The following ANKRD28 variants were observed in gnomAD, a reference collection of about 807,000 sequenced individuals.
ANKRD28 encodes the protein serine/threonine-protein phosphatase 6 regulatory ankyrin repeat subunit A.
ANKRD28 carries 44 observed loss-of-function variants against 126.5 expected under a neutral mutation model. The observed-to-expected ratio is 0.35, with a 90% CI of 0.27 to 0.45. The LOEUF (loss-of-function observed/expected upper bound fraction) is 0.45, where lower values mean the gene tolerates loss of function less well. Ranked by LOEUF, ANKRD28 falls within the 20% of genes least tolerant of loss-of-function variation. The probability of loss-of-function intolerance (pLI) is 1.00; values close to 1 mark genes in which losing one functional copy is unlikely to be tolerated. For missense variants in ANKRD28, 1,110 were observed against 1,316.6 expected (o/e 0.84, Z 2.43); for synonymous variants, 442 against 468.5 (o/e 0.94, Z 0.73).
chr3:15,855,238 C>T (rs1483830841), intron 1 of ANKRD28, among the ~76,000 whole-genome samples: 1 of 152,078 alleles, frequency 6.6e-6, no homozygotes, highest in Non-Finnish European at 1.5e-5. Context: ...TTAGTGTGTA[C>T]TTGATCAAAT....
rs565827706 is a variant in ANKRD28 at position 15,728,466 on chromosome 3, A to G, written c.641-3942T>C. On this transcript the variant is annotated intron_variant, in intron 6 of 27. Transcript: ENST00000683139. ...ATGCCACCACACTGGGCTAATCTTTAAATTTTTTTGTAGAGACAGGGTCTT... is the reference window on the plus strand; with the variant it reads ...ATGCCACCACACTGGGCTAATCTTTGAATTTTTTTGTAGAGACAGGGTCTT... Among the ~76,000 whole-genome samples, 3 of 152,102 alleles carry G rather than the reference A, an allele frequency of 2.0e-5. No individual in the cohort carries two copies. The South Asian group carries it at 6.2e-4, about 32-fold the overall frequency.
chr3:15,818,750 G>C (rs2060884290), intron 1 of ANKRD28, among the ~76,000 whole-genome samples: 1 of 152,178 alleles, frequency 6.6e-6, no homozygotes, highest in African/African-American at 2.4e-5. Flanking sequence ...AACCAAAACA[G>C]TGGATAATGG....
At chr3:15,745,353 A>T (rs1039033367) in intron 4 of ANKRD28, among the ~76,000 whole-genome samples, 1 of 152,180 alleles carries the variant, frequency 6.6e-6, no homozygotes, top group African/African-American at 2.4e-5. Context: ...TTCAGGTCTT[A>T]GATTTAAGTC....
intron 2 of ANKRD28, among the ~76,000 whole-genome samples, chr3:15,786,596 TTA>T (rs1249971663): frequency 6.6e-6 from 1 of 152,070 alleles, no homozygotes; most frequent in Non-Finnish European, 1.5e-5. Context: ...ATTTTACACT[TTA>T]TATATATGCA....
At position 15,710,837 on chromosome 3, in the gene ANKRD28, G is replaced by GA. The variant is rs147896414; in HGVS notation, c.1337+373dup. Among the ~76,000 whole-genome samples, 442 of 150,688 alleles carry GA rather than the reference G, an allele frequency of 2.9e-3. 3 individuals are homozygous for GA. Among genetic ancestry groups the GA allele is most frequent in the African/African-American group, 0.01 (421 of 41,118 alleles). On this transcript the variant is annotated intron_variant, in intron 12 of 27. Coordinates refer to ENST00000683139, the MANE Select transcript of ANKRD28 (RefSeq NM_001349278.2). ...CAAAATGAACATTTTTTTCCTGGGGGAAAAAAAAATTAACAAATCTACTTA... is the reference window on the plus strand; with the variant it reads ...CAAAATGAACATTTTTTTCCTGGGGGAAAAAAAAAATTAACAAATCTACTTA...
intron 14 of ANKRD28, 89 bp downstream of exon 14, chr3:15,707,835 G>T (rs2071663800): frequency 6.8e-7 from 1 of 1,462,974 alleles, no homozygotes; most frequent in African/African-American, 1.4e-5. Flanking sequence ...ATACAAAGAG[G>T]AAACACAAAT....
chr3:15,694,228 A>G (rs988631425), intron 17 of ANKRD28, among the ~76,000 whole-genome samples: 2 of 152,134 alleles, frequency 1.3e-5, no homozygotes, highest in Non-Finnish European at 2.9e-5. Flanking sequence ...AAAAATTTAG[A>G]GGAATCTTAA....
upstream of ANKRD28, among the ~76,000 whole-genome samples, chr3:15,800,194 C>T (rs188915584): frequency 1.4e-4 from 22 of 152,006 alleles, no homozygotes; most frequent in Admixed American, 1.2e-3. Flanking sequence ...TTTCTTGACA[C>T]TTATATAAGA....
At chr3:15,742,082 C>T (rs573376081) in intron 4 of ANKRD28, among the ~76,000 whole-genome samples, 113 of 152,284 alleles carry the variant, frequency 7.4e-4, no homozygotes, top group Non-Finnish European at 1.5e-3. Flanking sequence ...GATCTCGGCT[C>T]GCTACAACCT....
rs201138281 is a variant in ANKRD28 at position 15,690,064 on chromosome 3, A to C, written c.1918T>G (p.Leu640Val). ...DVLINQGASI[L>V]VKDYILKRTP... ...CTCTTCAAAATGTAATCTTTTACTA[A>C]GATTGAGGCTCCCTGATTAATGAGT... is the stretch of plus-strand genomic sequence containing the variant. The change falls in exon 18 of 28, where the codon TTA becomes GTA. Residue 640 changes from leucine (L) to valine (V), a missense_variant. Physicochemically the swap from Leu to Val is conservative, Grantham distance 32. Transcript: ENST00000683139. 8.9e-5 allele frequency: 144 copies of C among 1,612,102 alleles called. 1 individual carries two copies. Among genetic ancestry groups the C allele is most frequent in the Non-Finnish European group, 1.2e-4 (138 of 1,179,086 alleles).
At chr3:15,828,390 C>G (rs977833222) in intron 1 of ANKRD28, among the ~76,000 whole-genome samples, 2 of 152,008 alleles carry the variant, frequency 1.3e-5, no homozygotes, top group Non-Finnish European at 2.9e-5. Context: ...AAGTTAAACA[C>G]CTTACATGTA....
In ANKRD28 at chr3:15,830,323, G is replaced by A. The variant is rs1473443047; in HGVS notation, c.27+29054C>T. ...TCTTAGACCAGGGTCCCTAACCCCT[G>A]GACTGAGGACTGCTAGCCATTCATG... is the stretch of plus-strand genomic sequence containing the variant. On this transcript the variant is annotated intron_variant, in intron 1 of 27. Coordinates refer to the ANKRD28 transcript ENST00000399451. The surrounding 1 kb of genome is among the most constrained non-coding windows in gnomAD (Gnocchi z 4.5). 6.6e-6 allele frequency among the ~76,000 whole-genome samples: 1 copy of A among 152,166 alleles called. No individual in the cohort carries two copies. Among genetic ancestry groups the A allele is most frequent in the Non-Finnish European group, 1.5e-5 (1 of 68,030 alleles).
intron 14 of ANKRD28, among the ~76,000 whole-genome samples, chr3:15,698,833 T>G (rs555649640): frequency 6.6e-6 from 1 of 152,292 alleles, no homozygotes; most frequent in South Asian, 2.1e-4. Context: ...CTTTATAGAT[T>G]GAATGCCATC....
In ANKRD28 at chr3:15,814,789, A is replaced by G. The variant is rs2060799023; in HGVS notation, c.28-19483T>C. Among the ~76,000 whole-genome samples the G allele has an allele frequency of 6.6e-6, 1 of 151,830 alleles. No individual in the cohort carries two copies. The highest frequency in any genetic ancestry group is 2.4e-5 in the African/African-American group (1 of 41,394). ...TATTCAATCTATACGCTTTTTGAAT[A>G]TGTAGAACATACTCATTTCAGTAAT... On this transcript the variant is annotated intron_variant, in intron 1 of 27. Coordinates refer to the ANKRD28 transcript ENST00000399451. The surrounding 1 kb of genome is among the most constrained non-coding windows in gnomAD (Gnocchi z 4.7).
rs1392599411 is a variant in ANKRD28, at chr3:15,675,911, T to C, written c.2952A>G (p.Ala984=). ...GAACCAACTTACCATTTTCATCTAC[T>C]GCAAGCACACTTGCTCCTTTTCCCA... ...ELLGKGASVL[A]VDENGYTPAL... The change falls in exon 27 of 28, where the codon GCA becomes GCG. Residue 984 remains alanine, a synonymous_variant. Coordinates refer to ENST00000683139, the MANE Select transcript of ANKRD28 (RefSeq NM_001349278.2). 2 of 1,610,854 alleles carry C rather than the reference T, an allele frequency of 1.2e-6. No individual in the cohort carries two copies. Among genetic ancestry groups the C allele is most frequent in the Non-Finnish European group, 1.7e-6 (2 of 1,177,708 alleles).
At chr3:15,792,043 G>C (rs2060054213) in intron 2 of ANKRD28, among the ~76,000 whole-genome samples, 1 of 152,096 alleles carries the variant, frequency 6.6e-6, no homozygotes. Flanking sequence ...TCTTGTCCCA[G>C]TTAAAATGCC....
chr3:15,721,603 A>T lies in ANKRD28; in HGVS notation c.784-476T>A, dbSNP rs2073741002. Reference sequence around the variant, plus strand: ...AGTACAGATCAAGATTTAAAAAAAAATGAACGGCATGTTCTATTTATTTAA... The same window carrying T: ...AGTACAGATCAAGATTTAAAAAAAATTGAACGGCATGTTCTATTTATTTAA... On this transcript the variant is annotated intron_variant, in intron 7 of 27. Transcript: ENST00000683139. Among the ~76,000 whole-genome samples, 3 of 152,344 alleles carry T rather than the reference A, an allele frequency of 2.0e-5. No homozygotes were observed. The South Asian group carries it at 6.2e-4, about 32-fold the overall frequency.
At chr3:15,780,043 C>T (rs1394785247) in intron 2 of ANKRD28, among the ~76,000 whole-genome samples, 1 of 152,154 alleles carries the variant, frequency 6.6e-6, no homozygotes, top group Non-Finnish European at 1.5e-5. Flanking sequence ...CTCACCACTC[C>T]TATCCACCAT....
chr3:15,748,290 T>C (rs1195230311), intron 4 of ANKRD28, among the ~76,000 whole-genome samples: 4 of 152,214 alleles, frequency 2.6e-5, no homozygotes, highest in African/African-American at 9.7e-5. Flanking sequence ...ATAGGTCTTG[T>C]AAGATTTACG....
Sources: gnomAD v4.1 joint callset for allele counts (sites outside exome capture counted in the v4.1 genomes callset) on GRCh38, gnomAD v4.1.1 for gene constraint, Gnocchi (gnomAD v3.1) non-coding constraint, MANE v1.5 for transcripts, NCBI Gene and HGNC (gene_info 2026-07-23, HGNC 2026-07-21) for gene names.